The following POU6F2 variants were observed in gnomAD, a reference collection of about 807,000 sequenced individuals.
POU6F2 encodes the protein POU domain, class 6, transcription factor 2.
POU6F2 carries 31 observed loss-of-function variants against 71.3 expected under a neutral mutation model. The ratio of observed to expected loss-of-function variants is 0.43; its 90% CI spans 0.33 to 0.59. The LOEUF (loss-of-function observed/expected upper bound fraction) is 0.59. POU6F2 is among the 20% of genes least tolerant of loss of function. The pLI is 0.04. For synonymous variants in POU6F2, 347 were observed against 355.7 expected, an observed-to-expected ratio of 0.98 and a Z score of 0.27; for missense variants, 783 against 856.8, an observed-to-expected ratio of 0.91 and a Z score of 1.07.
At chr7:39,371,552 C>G (rs2115754474) in intron 5 of POU6F2, among the ~76,000 whole-genome samples, 1 of 152,270 alleles carries the variant, frequency 6.6e-6, no homozygotes, top group South Asian at 2.1e-4. Flanking sequence ...TCCCTCCATC[C>G]TTTACCCCTG....
At chr7:39,337,624 G>A (rs1179473641) in intron 4 of POU6F2, among the ~76,000 whole-genome samples, 6 of 152,136 alleles carry the variant, frequency 3.9e-5, no homozygotes, top group Non-Finnish European at 7.4e-5. Context: ...CCACTTCGAT[G>A]CACTATATTT....
chr7:39,253,130 G>C (rs569892218), intron 4 of POU6F2, among the ~76,000 whole-genome samples: 1 of 152,328 alleles, frequency 6.6e-6, no homozygotes, highest in South Asian at 2.1e-4. Flanking sequence ...CCCACGCAGA[G>C]GCAGAAATAT....
intron 4 of POU6F2, among the ~76,000 whole-genome samples, chr7:39,259,300 A>G (rs149317424): frequency 2.0e-5 from 3 of 152,292 alleles, no homozygotes; most frequent in East Asian, 3.9e-4. Flanking sequence ...GTTTACTCAG[A>G]TGTAATCCTG....
chr7:39,212,858 C>G (rs1794171105), intron 4 of POU6F2, among the ~76,000 whole-genome samples: 1 of 152,154 alleles, frequency 6.6e-6, no homozygotes. Context: ...ATAAAATCCC[C>G]TTTATGGAGC....
At chr7:39,253,650 T>C (rs1783967038) in intron 4 of POU6F2, among the ~76,000 whole-genome samples, 1 of 152,024 alleles carries the variant, frequency 6.6e-6, no homozygotes, top group South Asian at 2.1e-4. Context: ...ATTGAGAAGC[T>C]GAAGACCCCA....
chr7:39,366,749 G>A (rs1405009392), intron 5 of POU6F2, among the ~76,000 whole-genome samples: 1 of 152,138 alleles, frequency 6.6e-6, no homozygotes, highest in African/African-American at 2.4e-5. Context: ...CTTGGCTAGT[G>A]AAGGACCAGG....
intron 4 of POU6F2, among the ~76,000 whole-genome samples, chr7:39,321,744 T>C (rs1028375405): frequency 6.6e-6 from 1 of 151,924 alleles, no homozygotes; most frequent in African/African-American, 2.4e-5. Flanking sequence ...AGGTGCTTAA[T>C]AAATTTTTAG....
At chr7:39,302,738 T>C (rs1433394784) in intron 4 of POU6F2, among the ~76,000 whole-genome samples, 2 of 152,374 alleles carry the variant, frequency 1.3e-5, no homozygotes, top group African/African-American at 4.8e-5. Context: ...ACATCCTTTC[T>C]TCATCGCTTG....
intron 4 of POU6F2, among the ~76,000 whole-genome samples, chr7:39,272,920 C>T (rs1175840479): frequency 1.3e-5 from 2 of 152,134 alleles, no homozygotes; most frequent in African/African-American, 4.8e-5. Flanking sequence ...CCACTGCCCT[C>T]CTTCCAGAAT....
chr7:39,116,071 C>A (rs982631564), intron 2 of POU6F2, among the ~76,000 whole-genome samples: 2 of 152,168 alleles, frequency 1.3e-5, no homozygotes, highest in Non-Finnish European at 2.9e-5. Flanking sequence ...TTCTCCTGCA[C>A]TCAGGGCAAG....
At chr7:39,354,053 A>T (rs1786204055) in intron 5 of POU6F2, among the ~76,000 whole-genome samples, 1 of 152,202 alleles carries the variant, frequency 6.6e-6, no homozygotes, top group Admixed American at 6.5e-5. Flanking sequence ...CAGGAGGCTG[A>T]TTCCATTCAT....
chr7:39,040,464 T>C (rs1245437846), intron 1 of POU6F2, among the ~76,000 whole-genome samples: 1 of 151,576 alleles, frequency 6.6e-6, no homozygotes, highest in Non-Finnish European at 1.5e-5. Flanking sequence ...CATTATTTCC[T>C]AAGGAAATAG....
intron 2 of POU6F2, among the ~76,000 whole-genome samples, chr7:39,185,733 T>C (rs944042225): frequency 1.3e-5 from 2 of 151,810 alleles, no homozygotes; most frequent in African/African-American, 2.4e-5. Flanking sequence ...CTGGCCATCA[T>C]TCAGTAAATA....
chr7:39,070,222 A>G (rs372098849), intron 1 of POU6F2, among the ~76,000 whole-genome samples: 1 of 152,350 alleles, frequency 6.6e-6, no homozygotes, highest in Admixed American at 6.5e-5. Flanking sequence ...TAAGAAAAAA[A>G]TGACTTAAAT....
At chr7:39,349,643 C>A (rs1411661383) in intron 5 of POU6F2, among the ~76,000 whole-genome samples, 1 of 152,188 alleles carries the variant, frequency 6.6e-6, no homozygotes, top group African/African-American at 2.4e-5. Flanking sequence ...AGGACTAAGT[C>A]GTCTAGAGCA....
intron 1 of POU6F2, among the ~76,000 whole-genome samples, chr7:39,025,209 C>T (rs1265323859): frequency 6.6e-6 from 1 of 152,138 alleles, no homozygotes; most frequent in African/African-American, 2.4e-5. Flanking sequence ...TTCAGAGATT[C>T]AACTTCTTCC....
intron 2 of POU6F2, among the ~76,000 whole-genome samples, chr7:39,094,386 T>A (rs971373446): frequency 6.6e-6 from 1 of 152,162 alleles, no homozygotes; most frequent in Admixed American, 6.6e-5. Context: ...GGGATAGACA[T>A]ATATCACAAT....
chr7:39,159,396 C>T (rs1792941613), intron 2 of POU6F2, among the ~76,000 whole-genome samples: 2 of 152,106 alleles, frequency 1.3e-5, no homozygotes, highest in South Asian at 4.1e-4. Flanking sequence ...ACAAAAGCTC[C>T]CCTGCATCTA....
At chr7:39,259,568 G>T in intron 4 of POU6F2, among the ~76,000 whole-genome samples, 1 of 152,158 alleles carries the variant, frequency 6.6e-6, no homozygotes, top group East Asian at 1.9e-4. Context: ...CGTTCCAAGG[G>T]CCGTGTTGCC....
Sources: gnomAD v4.1 joint callset for allele counts (sites outside exome capture counted in the v4.1 genomes callset) on GRCh38, gnomAD v4.1.1 for gene constraint, MANE v1.5 for transcripts, NCBI Gene and HGNC (gene_info 2026-07-23, HGNC 2026-07-21) for gene names.